The following ERICH3 variants were observed in gnomAD, a reference collection of about 807,000 sequenced individuals.
ERICH3 encodes the protein glutamate-rich protein 3.
A neutral mutation model predicts 131.1 loss-of-function variants in ERICH3; 126 were observed. That is an observed-to-expected ratio of 0.96 (90% confidence interval 0.83 to 1.11). ERICH3 has a LOEUF of 1.11. Among genes scored for constraint, ERICH3 ranks in the 50% most tolerant of loss-of-function variants. The pLI, the probability that ERICH3 is intolerant of heterozygous loss-of-function variation, is 0.00. For synonymous variants in ERICH3, 695 were observed against 644.6 expected (o/e 1.08, Z -1.18); for missense variants, 2,050 against 1,810.7 (o/e 1.13, Z -2.40).
Position 74,571,211 on chromosome 1 carries a change from T to A in ERICH3, c.4499A>T (p.Lys1500Met), listed in dbSNP as rs1646936880. The A allele has an allele frequency of 6.2e-7, 1 of 1,613,984 alleles. No individual in the cohort carries two copies. Among genetic ancestry groups the A allele is most frequent in the Non-Finnish European group, 8.5e-7 (1 of 1,180,002 alleles). ...CTCTCGGGTTTCAGTGAAATCAGGC[T>A]TCACTGGAAGTGTTGCCATCGCCTG... Reference protein sequence around the residue: ...SLQAMATLPVKPDFTETREKQ... With the variant: ...SLQAMATLPVMPDFTETREKQ... The change falls in exon 14 of 15, where the codon AAG (lysine) becomes ATG (methionine). Residue 1500 changes from lysine (K) to methionine (M), a missense_variant. Physicochemically the swap from Lys to Met is moderately conservative, Grantham distance 95. Coordinates refer to ENST00000326665, the MANE Select transcript of ERICH3 (RefSeq NM_001002912.5).
In ERICH3 at chr1:74,589,383, A is replaced by G. The variant is rs939266095; in HGVS notation, c.2176+248T>C. 6 of 551,094 alleles carry G rather than the reference A, an allele frequency of 1.1e-5. No homozygotes were observed. The African/African-American group carries it at 1.1e-4, about 10-fold the overall frequency. 34.1% of individuals were successfully genotyped at this position (551,094 alleles called of 1,614,324 possible). A position where few individuals can be genotyped will look rare whatever the true frequency, so the allele number is the denominator to read the frequency against. Reference sequence around the variant, plus strand: ...ATTCCTGAGATGGAATTCCCATAGGAGGGAATTTACCGAAAATAGGAAACA... The same window carrying G: ...ATTCCTGAGATGGAATTCCCATAGGGGGGAATTTACCGAAAATAGGAAACA... On this transcript the variant is annotated intron_variant, in intron 12 of 14. Coordinates refer to ENST00000326665, the MANE Select transcript of ERICH3 (RefSeq NM_001002912.5).
chr1:74,642,959 G>A, intron 4 of ERICH3, 68 bp downstream of exon 4: 1 of 1,215,420 alleles, frequency 8.2e-7, no homozygotes, highest in South Asian at 1.3e-5. Context: ...TGGAATCATA[G>A]TTTCACTGTT....
At chr1:74,588,716 G>A (rs987883106) in intron 12 of ERICH3, among the ~76,000 whole-genome samples, 5 of 152,004 alleles carry the variant, frequency 3.3e-5, no homozygotes, top group Non-Finnish European at 5.9e-5. Context: ...GGCAAGCATC[G>A]GGCAGGTGCA....
At chr1:74,633,992 C>T (rs1285871962) in intron 6 of ERICH3, among the ~76,000 whole-genome samples, 1 of 148,664 alleles carries the variant, frequency 6.7e-6, no homozygotes, top group Admixed American at 6.7e-5. Flanking sequence ...ATTAAAGACT[C>T]TCACTCCTGC....
intron 1 of ERICH3, among the ~76,000 whole-genome samples, chr1:74,670,857 C>A (rs763715724): frequency 6.6e-6 from 1 of 152,130 alleles, no homozygotes; most frequent in Non-Finnish European, 1.5e-5. Flanking sequence ...TTGCTAAATT[C>A]TTTTCCTAGC....
Position 74,612,802 on chromosome 1 carries a change from A to G in ERICH3, c.1008T>C (p.Phe336=). The change falls in exon 9 of 15, where the codon TTT becomes TTC. Residue 336 remains phenylalanine, a synonymous_variant. Transcript: ENST00000326665. ...YKGKLLEKET[F]QFISKRHHGF... ...CATGATGCCTTTTGGAAATAAACTG[A>G]AAGGTCTCTGGAATTAAAATAGAAA... is the stretch of plus-strand genomic sequence containing the variant. The G allele has an allele frequency of 6.3e-7, 1 of 1,575,822 alleles. No individual in the cohort carries two copies.
chr1:74,625,107 C>T (rs574821122), intron 7 of ERICH3: 1 of 152,156 alleles, frequency 6.6e-6, no homozygotes, highest in African/African-American at 2.4e-5. Context: ...GGATGGATCC[C>T]TGACCAATGC....
rs766325480 is a variant in ERICH3, at chr1:74,631,765, C to T, written c.767G>A (p.Arg256Lys). 190 of 1,613,456 alleles carry T rather than the reference C, an allele frequency of 1.2e-4. No individual in the cohort carries two copies. Among genetic ancestry groups the T allele is most frequent in the Non-Finnish European group, 1.4e-4 (170 of 1,179,652 alleles). The change falls in exon 7 of 15, where the codon AGA becomes AAA. Residue 256 changes from arginine (R) to lysine (K), a missense_variant. Arg to Lys is a conservative substitution (Grantham distance 26). Coordinates refer to ENST00000326665, the MANE Select transcript of ERICH3 (RefSeq NM_001002912.5). ...RENRSETWRR[R>K]RFRPTTAPNG... ...TGGAGCAGTGGTTGGACGAAATCTT[C>T]TCCTTCTCCATGTTTCAGATCTATT...
At chr1:74,638,926 C>T (rs1476377668) in intron 5 of ERICH3, among the ~76,000 whole-genome samples, 1 of 152,118 alleles carries the variant, frequency 6.6e-6, no homozygotes, top group Non-Finnish European at 1.5e-5. Flanking sequence ...CCAGCTGAGA[C>T]TCATGGATAT....
intron 12 of ERICH3, among the ~76,000 whole-genome samples, chr1:74,583,992 TA>T (rs556868647): frequency 8.5e-4 from 129 of 152,278 alleles, no homozygotes; most frequent in African/African-American, 3.0e-3. Flanking sequence ...AAGAATGCCA[TA>T]AAAACACCAT....
In ERICH3 at chr1:74,573,443, T is replaced by C; in HGVS notation, c.2267A>G (p.Asn756Ser). The C allele has an allele frequency of 6.4e-7, 1 of 1,555,304 alleles. No individual in the cohort carries two copies. Among genetic ancestry groups the C allele is most frequent in the Non-Finnish European group, 8.6e-7 (1 of 1,156,868 alleles). ...TTGCACCAATTGCTGGGATTCCTTG[T>C]TTGAGTTGATTGCTGCTGTTTCATC... is the stretch of plus-strand genomic sequence containing the variant. ...MVDETAAINSNKESQQLVQKT... is the reference protein window; with the variant it reads ...MVDETAAINSSKESQQLVQKT... The change falls in exon 14 of 15, where the codon AAC (asparagine) becomes AGC (serine). Residue 756 changes from asparagine (N) to serine (S), a missense_variant. Coordinates refer to ENST00000326665, the MANE Select transcript of ERICH3 (RefSeq NM_001002912.5).
At chr1:74,591,664 A>C (rs2100564627) in intron 11 of ERICH3, among the ~76,000 whole-genome samples, 1 of 152,290 alleles carries the variant, frequency 6.6e-6, no homozygotes, top group Non-Finnish European at 1.5e-5. Flanking sequence ...GGTTTATGTA[A>C]TACCTAGAAA....
At chr1:74,578,842 T>G (rs1254377186) in intron 12 of ERICH3, among the ~76,000 whole-genome samples, 4 of 152,286 alleles carry the variant, frequency 2.6e-5, no homozygotes, top group Middle Eastern at 3.4e-3. Flanking sequence ...TACTGACCCC[T>G]CTGTATTTGG....
chr1:74,576,551 T>A (rs954613505), intron 13 of ERICH3, among the ~76,000 whole-genome samples: 2 of 152,110 alleles, frequency 1.3e-5, no homozygotes, highest in African/African-American at 4.8e-5. Flanking sequence ...AACAATAAAG[T>A]CCTTTTTCTC....
At chr1:74,620,268 A>G (rs1235224514) in intron 8 of ERICH3, among the ~76,000 whole-genome samples, 2 of 152,244 alleles carry the variant, frequency 1.3e-5, no homozygotes, top group South Asian at 2.1e-4. Flanking sequence ...AAAGCTATTT[A>G]GCCAAATTCT....
chr1:74,617,296 C>T (rs183508829), intron 8 of ERICH3, among the ~76,000 whole-genome samples: 22 of 151,202 alleles, frequency 1.5e-4, no homozygotes, highest in Non-Finnish European at 2.5e-4. Flanking sequence ...AACAAACAAT[C>T]AAAAGACATG....
intron 6 of ERICH3, 39 bp downstream of exon 6, chr1:74,636,231 TAATCTACTCA>T: frequency 7.0e-7 from 1 of 1,435,716 alleles, no homozygotes; most frequent in Non-Finnish European, 9.4e-7. Context: ...TAACCTATAA[TAATCTACTCA>T]AAAATTAAAA....
intron 1 of ERICH3, among the ~76,000 whole-genome samples, chr1:74,670,775 T>C (rs530371001): frequency 9.2e-5 from 14 of 152,300 alleles, no homozygotes; most frequent in African/African-American, 3.4e-4. Context: ...TGACTGCCTG[T>C]GGGGTTGGGC....
rs1648414357 is a variant in ERICH3, at chr1:74,606,764, TC to T, written c.1325del (p.Arg442LysfsTer20). 1 of 1,613,366 alleles carries T rather than the reference TC, an allele frequency of 6.2e-7. No homozygotes were observed. Among genetic ancestry groups the T allele is most frequent in the South Asian group, 1.1e-5 (1 of 91,068 alleles). ...AGGTTTTGTTCTCCTTGATCTCATT[TC>T]TTTTTGGTATCACATACTCTCTCTC... Reference protein sequence around the residue: ...RKEREYVIPKRNEIKENKTSV... With the variant: ...RKEREYVIPKXNEIKENKTSV... On this transcript the variant is annotated frameshift_variant, in exon 10 of 15. Coordinates refer to ENST00000326665, the MANE Select transcript of ERICH3 (RefSeq NM_001002912.5). LOFTEE classifies it high-confidence loss of function.
Sources: allele counts gnomAD v4.1 joint callset (sites outside exome capture counted in the v4.1 genomes callset), GRCh38; gene constraint gnomAD v4.1.1; transcripts MANE v1.5; gene names NCBI Gene and HGNC (gene_info 2026-07-23, HGNC 2026-07-21).